DDC: variants seen among roughly 807,000 people sequenced by gnomAD.
DDC encodes the protein dopa decarboxylase.
In DDC, 43 loss-of-function variants were observed where a neutral mutation model predicts 60.0. The observed-to-expected ratio is 0.72, with a 90% CI of 0.56 to 0.92. The LOEUF (loss-of-function observed/expected upper bound fraction) is 0.92, where lower values mean the gene tolerates loss of function less well. Among genes scored for constraint, DDC ranks in the 40% least tolerant of loss-of-function variants. The pLI is 0.00. For synonymous variants in DDC, 232 were observed against 234.6 expected (o/e 0.99, Z 0.10); for missense variants, 573 against 620.2 (o/e 0.92, Z 0.81).
At chr7:50,474,935 G>A (rs1004645412) in intron 11 of DDC, among the ~76,000 whole-genome samples, 1 of 152,226 alleles carries the variant, frequency 6.6e-6, no homozygotes, top group African/African-American at 2.4e-5. Context: ...GCAGAAAGCT[G>A]GATGTGCCAG....
chr7:50,526,842 C>CTATATATCTCTAGTAA (rs1327927245), intron 6 of DDC, among the ~76,000 whole-genome samples: 6 of 152,160 alleles, frequency 3.9e-5, no homozygotes, highest in Non-Finnish European at 8.8e-5. Context: ...ACAAAGTAGG[C>CTATATATCTCTAGTAA]TGCAGGACAA....
intron 6 of DDC, among the ~76,000 whole-genome samples, chr7:50,517,983 G>A (rs1191079145): frequency 6.6e-6 from 1 of 152,026 alleles, no homozygotes; most frequent in Non-Finnish European, 1.5e-5. Flanking sequence ...GCTGAGATGG[G>A]CGGATCACAA....
chr7:50,468,441 A>G (rs1020072988), intron 12 of DDC, among the ~76,000 whole-genome samples: 4 of 152,210 alleles, frequency 2.6e-5, no homozygotes, highest in Admixed American at 6.5e-5. Flanking sequence ...CTTTCCCCAA[A>G]AAAGCTGAAT....
chr7:50,500,146 C>T (rs896712536), intron 7 of DDC, among the ~76,000 whole-genome samples: 1 of 152,006 alleles, frequency 6.6e-6, no homozygotes, highest in African/African-American at 2.4e-5. Context: ...GCCACCCTCA[C>T]CTCACAGGGT....
chr7:50,467,096 G>A (rs778324066), intron 13 of DDC, 118 bp downstream of exon 13: 31 of 958,280 alleles, frequency 3.2e-5, no homozygotes, highest in East Asian at 9.6e-5. Context: ...AAGAATGCAG[G>A]CTTTGCTCTG....
At chr7:50,527,196 T>C (rs2044062188) in intron 6 of DDC, among the ~76,000 whole-genome samples, 1 of 152,220 alleles carries the variant, frequency 6.6e-6, no homozygotes, top group Non-Finnish European at 1.5e-5. Context: ...GCCTTCTTTT[T>C]AAGATTTACT....
At chr7:50,536,401 A>G (rs1237922595) in intron 4 of DDC, among the ~76,000 whole-genome samples, 1 of 152,228 alleles carries the variant, frequency 6.6e-6, no homozygotes, top group Non-Finnish European at 1.5e-5. Flanking sequence ...GCTGTATCAC[A>G]GGCACGCATC....
intron 4 of DDC, among the ~76,000 whole-genome samples, chr7:50,532,828 T>C (rs1193540937): frequency 6.6e-6 from 1 of 152,236 alleles, no homozygotes; most frequent in Admixed American, 6.5e-5. Flanking sequence ...TAAGATGCAA[T>C]GACCTAGAAA....
chr7:50,499,290 C>G, intron 7 of DDC, 48 bp from the exon 8 acceptor site: 1 of 1,352,296 alleles, frequency 7.4e-7, no homozygotes, highest in Non-Finnish European at 1.0e-6. Context: ...TGCCTCACCA[C>G]GGAGCCTGCC....
intron 1 of DDC, among the ~76,000 whole-genome samples, chr7:50,560,478 C>G (rs2153554674): frequency 6.6e-6 from 1 of 152,266 alleles, no homozygotes; most frequent in Admixed American, 6.5e-5. Context: ...AAAATCAAAC[C>G]TGGTTTTTAC....
chr7:50,518,811 T>C (rs2043810098), intron 6 of DDC, among the ~76,000 whole-genome samples: 1 of 152,190 alleles, frequency 6.6e-6, no homozygotes, highest in South Asian at 2.1e-4. Context: ...GGAAAAACCC[T>C]TGTAGACATT....
intron 1 of DDC, among the ~76,000 whole-genome samples, chr7:50,550,090 A>G (rs774316015): frequency 6.6e-6 from 1 of 152,252 alleles, no homozygotes; most frequent in Non-Finnish European, 1.5e-5. Context: ...ATCACATGCT[A>G]CAGAGGCATC....
intron 6 of DDC, among the ~76,000 whole-genome samples, chr7:50,514,074 C>T (rs1304382472): frequency 2.0e-5 from 3 of 152,134 alleles, no homozygotes. Context: ...GTCCATTGCA[C>T]CCCCTCCCCA....
chr7:50,487,057 T>C (rs79728284), intron 9 of DDC, among the ~76,000 whole-genome samples: 1,940 of 152,248 alleles, frequency 0.013, 39 homozygotes, highest in African/African-American at 0.045. Flanking sequence ...AACAGGCAAA[T>C]GAAAAATTTT....
chr7:50,529,150 C>T (rs2044124210), intron 5 of DDC, 58 bp downstream of exon 5: 1 of 1,608,162 alleles, frequency 6.2e-7, no homozygotes, highest in Non-Finnish European at 8.5e-7. Flanking sequence ...TTGAATTTGA[C>T]ATAAAACCAA....
chr7:50,549,625 C>G (rs542059340), intron 1 of DDC, among the ~76,000 whole-genome samples: 9 of 151,202 alleles, frequency 6.0e-5, no homozygotes, highest in African/African-American at 1.9e-4. Flanking sequence ...CCACTGCACT[C>G]CAGCCTGGGC....
chr7:50,492,036 G>A (rs1288270385), intron 9 of DDC, among the ~76,000 whole-genome samples: 1 of 152,142 alleles, frequency 6.6e-6, no homozygotes, highest in Admixed American at 6.5e-5. Context: ...CTTATAAGAA[G>A]AGAAAATTTG....
chr7:50,540,091 G>C, intron 2 of DDC, 63 bp from the exon 3 acceptor site: 1 of 1,309,656 alleles, frequency 7.6e-7, no homozygotes, highest in Non-Finnish European at 1.1e-6. Flanking sequence ...GAGAGCGGGG[G>C]ACCCAGGTAC....
At chr7:50,490,520 A>C (rs1362302063) in intron 9 of DDC, among the ~76,000 whole-genome samples, 1 of 152,194 alleles carries the variant, frequency 6.6e-6, no homozygotes, top group Non-Finnish European at 1.5e-5. Context: ...AATACAAAAA[A>C]TTAGGCAGGC....
Sources: gnomAD v4.1 joint callset for allele counts (sites outside exome capture counted in the v4.1 genomes callset) on GRCh38, gnomAD v4.1.1 for gene constraint, MANE v1.5 for transcripts, NCBI Gene and HGNC (gene_info 2026-07-23, HGNC 2026-07-21) for gene names.